RAB3C: variants seen among roughly 807,000 people sequenced by gnomAD.
The protein encoded by RAB3C is RAB3C, member RAS oncogene family.
A neutral mutation model predicts 26.4 loss-of-function variants in RAB3C; 17 were observed. The observed-to-expected ratio is 0.64, with a 90% confidence interval of 0.44 to 0.97. The LOEUF is 0.97. RAB3C is among the 50% of genes least tolerant of loss of function. RAB3C has a pLI of 0.00. For missense variants in RAB3C, 242 were observed against 281.9 expected (o/e 0.86, Z 1.01); for synonymous variants, 91 against 95.9 (o/e 0.95, Z 0.30).
intron 2 of RAB3C, among the ~76,000 whole-genome samples, chr5:58,719,229 T>G (rs946470590): frequency 5.9e-5 from 9 of 152,040 alleles, no homozygotes; most frequent in African/African-American, 1.4e-4. Flanking sequence ...TACATTAGAA[T>G]AAGAGAGAAA....
chr5:58,649,975 C>G (rs1257685789), intron 2 of RAB3C, among the ~76,000 whole-genome samples: 1 of 152,166 alleles, frequency 6.6e-6, no homozygotes, highest in East Asian at 1.9e-4. Flanking sequence ...CTTTTCCTCC[C>G]CTGTCTATGG....
intron 2 of RAB3C, among the ~76,000 whole-genome samples, chr5:58,669,386 C>A (rs79107294): frequency 0.029 from 4,341 of 152,170 alleles, 105 homozygotes; most frequent in Admixed American, 0.072. Context: ...CCAGGTCACA[C>A]CAGACCACAC....
intron 1 of RAB3C, among the ~76,000 whole-genome samples, chr5:58,611,198 C>T (rs1746692721): frequency 6.6e-6 from 1 of 152,096 alleles, no homozygotes. Context: ...CATATATGTG[C>T]ATGTCTCTTT....
chr5:58,804,279 C>T (rs1379071728), intron 3 of RAB3C, among the ~76,000 whole-genome samples: 2 of 152,028 alleles, frequency 1.3e-5, no homozygotes, highest in Non-Finnish European at 2.9e-5. Context: ...GCCAGGAGCC[C>T]CATGGATTTT....
intron 4 of RAB3C, among the ~76,000 whole-genome samples, chr5:58,826,111 C>G (rs892135347): frequency 6.6e-6 from 1 of 151,798 alleles, no homozygotes; most frequent in African/African-American, 2.4e-5. Context: ...AAAACATTGC[C>G]GGAAGGAGAT....
chr5:58,735,120 G>T (rs945844947), intron 3 of RAB3C, among the ~76,000 whole-genome samples: 3 of 152,158 alleles, frequency 2.0e-5, no homozygotes, highest in Non-Finnish European at 4.4e-5. Context: ...TTATGCTCAG[G>T]AACAGCAGAC....
chr5:58,827,130 G>GA (rs5868139), intron 4 of RAB3C, among the ~76,000 whole-genome samples: 83,511 of 151,856 alleles, frequency 0.55, 23,438 homozygotes, highest in Middle Eastern at 0.71. Context: ...TGAAGAGTCT[G>GA]AAAAAATGAT....
intron 2 of RAB3C, among the ~76,000 whole-genome samples, chr5:58,720,886 A>G (rs1740733656): frequency 6.6e-6 from 1 of 151,864 alleles, no homozygotes; most frequent in East Asian, 1.9e-4. Context: ...AGAAGTAACC[A>G]CTAAAACAAA....
At chr5:58,734,463 A>G (rs1741091851) in intron 3 of RAB3C, among the ~76,000 whole-genome samples, 1 of 152,100 alleles carries the variant, frequency 6.6e-6, no homozygotes, top group Non-Finnish European at 1.5e-5. Context: ...ACCACCCTAC[A>G]CTGGACCGCG....
At chr5:58,736,463 T>A (rs1028954562) in intron 3 of RAB3C, among the ~76,000 whole-genome samples, 35 of 152,352 alleles carry the variant, frequency 2.3e-4, no homozygotes, top group African/African-American at 7.9e-4. Flanking sequence ...CCTAAGGCAC[T>A]GCTGTCTCTC....
At chr5:58,725,853 T>A (rs1000015399) in intron 2 of RAB3C, 149 bp from the exon 3 acceptor site, 28 of 468,870 alleles carry the variant, frequency 6.0e-5, no homozygotes, top group Non-Finnish European at 1.6e-5. Context: ...TTAAAAATCA[T>A]TAGGGGAAAC....
intron 3 of RAB3C, among the ~76,000 whole-genome samples, chr5:58,748,346 G>A (rs1364077742): frequency 3.3e-5 from 5 of 152,092 alleles, no homozygotes; most frequent in African/African-American, 1.2e-4. Context: ...CTTTCCACTA[G>A]GCTGAAAATT....
chr5:58,704,697 T>C (rs879794464), intron 2 of RAB3C, among the ~76,000 whole-genome samples: 2 of 152,188 alleles, frequency 1.3e-5, no homozygotes, highest in Non-Finnish European at 2.9e-5. Flanking sequence ...TTCCTTTATC[T>C]GAATTATTTT....
rs561890705 is a variant in RAB3C, at chr5:58,587,562, A to G, written c.24+4330A>G. Among the ~76,000 whole-genome samples, 7 of 152,280 alleles carry G rather than the reference A, an allele frequency of 4.6e-5. No individual in the cohort carries two copies. In the East Asian group the frequency reaches 1.2e-3, roughly 25 times the overall value. ...TTTAGCATTTTTCGTTCATTAGTTT[A>G]TAGGTTTTTAGATAATATTTATATA... is the stretch of plus-strand genomic sequence containing the variant. On this transcript the variant is annotated intron_variant, in intron 1 of 4. Coordinates refer to ENST00000282878, the MANE Select transcript of RAB3C (RefSeq NM_138453.4).
chr5:58,679,541 T>C (rs979975411), intron 2 of RAB3C, among the ~76,000 whole-genome samples: 2 of 152,192 alleles, frequency 1.3e-5, no homozygotes, highest in African/African-American at 4.8e-5. Context: ...CTTCACCTTA[T>C]GGTTTTTCCA....
chr5:58,623,454 A>C (rs1024271748), intron 2 of RAB3C, among the ~76,000 whole-genome samples: 3 of 152,194 alleles, frequency 2.0e-5, no homozygotes, highest in African/African-American at 7.2e-5. Flanking sequence ...TGCCAAGACC[A>C]TTCTTGGTGC....
intron 1 of RAB3C, among the ~76,000 whole-genome samples, chr5:58,615,737 C>T (rs144649359): frequency 9.4e-4 from 143 of 152,112 alleles, no homozygotes; most frequent in Middle Eastern, 3.4e-3. Context: ...ATTTGTGTGG[C>T]TGTATAGACT....
chr5:58,836,078 C>G (rs1303915547), intron 4 of RAB3C, among the ~76,000 whole-genome samples: 1 of 152,132 alleles, frequency 6.6e-6, no homozygotes, highest in Admixed American at 6.5e-5. Context: ...TTATCATGCT[C>G]TGCGAAATGT....
chr5:58,823,134 A>G (rs898481221), intron 3 of RAB3C: 1 of 408,048 alleles, frequency 2.5e-6, no homozygotes, highest in Admixed American at 3.1e-5. Context: ...GATTACATGC[A>G]TTACCTAATG....
Sources: allele counts gnomAD v4.1 joint callset (sites outside exome capture counted in the v4.1 genomes callset), GRCh38; gene constraint gnomAD v4.1.1; transcripts MANE v1.5; gene names NCBI Gene and HGNC (gene_info 2026-07-23, HGNC 2026-07-21).